The following ALG1 variants were observed in gnomAD, a reference collection of about 807,000 sequenced individuals.
ALG1 encodes the protein chitobiosyldiphosphodolichol beta-mannosyltransferase.
Under a neutral mutation model 55.1 loss-of-function variants are expected in ALG1, and 58 were observed. That is an observed-to-expected ratio of 1.05 (90% CI 0.85 to 1.31). The LOEUF is 1.31. Among genes scored for constraint, ALG1 ranks in the 50% most tolerant of loss-of-function variants. ALG1 has a pLI of 0.00. For missense variants in ALG1, 761 were observed against 598.6 expected, an observed-to-expected ratio of 1.27 and a Z score of -2.83; for synonymous variants, 309 against 247.0, an observed-to-expected ratio of 1.25 and a Z score of -2.35.
At chr16:5,072,788 C>G (rs1457092994) in intron 1 of ALG1, among the ~76,000 whole-genome samples, 163 bp from the exon 2 acceptor site, 1 of 152,200 alleles carries the variant, frequency 6.6e-6, no homozygotes, top group South Asian at 2.1e-4. Context: ...GCAATCTGAA[C>G]AAGAATTGGC....
rs1956957462 is a variant in ALG1, at chr16:5,078,608, C to T, written c.741-149C>T. ...AATATTAGAGAAAGCAAGCCCAGGC[C>T]TCAGATGGCAGGGGTGGCCTGGTGC... On this transcript the variant is annotated intron_variant, in intron 6 of 12. Transcript: ENST00000262374. 3.6e-6 allele frequency: 5 copies of T among 1,394,618 alleles called. No homozygotes were observed. In the South Asian group the frequency reaches 5.9e-5, roughly 16 times the overall value. The allele number at this position is 1,394,618 out of a possible 1,614,324, so 86.4% of individuals were successfully genotyped here. A position where few individuals can be genotyped will look rare whatever the true frequency, so the allele number is the denominator to read the frequency against.
rs572742365 is a variant in ALG1 at position 5,077,420 on chromosome 16, G to C, written c.540-25G>C. The C allele has an allele frequency of 8.1e-6, 13 of 1,606,008 alleles. No homozygotes were observed. The East Asian group carries it at 2.2e-4, about 28-fold the overall frequency. On this transcript the variant is annotated intron_variant, in intron 4 of 12. Coordinates refer to ENST00000262374, the MANE Select transcript of ALG1 (RefSeq NM_019109.5). ...GTAGCGGAGGCCTGTCTAGGGCTCT[G>C]CTGACTGCTGATCTCTCTTTTCAGG...
chr16:5,081,107 C>CCTGGGGGGGG, intron 10 of ALG1, 51 bp downstream of exon 10: 2 of 283,576 alleles, frequency 7.1e-6, no homozygotes, highest in Non-Finnish European at 1.3e-5. Flanking sequence ...ACAGGGTGGG[C>CCTGGGGGGGG]GGGATGTACT....
chr16:5,077,648 G>A, intron 5 of ALG1, 114 bp downstream of exon 5: 1 of 1,168,842 alleles, frequency 8.6e-7, no homozygotes, highest in South Asian at 1.2e-5. Context: ...GAAATACTGA[G>A]GGCCTGGGAG....
At chr16:5,072,261 T>C (rs1399572683) in intron 1 of ALG1, 1 of 1,465,880 alleles carries the variant, frequency 6.8e-7, no homozygotes, top group East Asian at 2.5e-5. Context: ...GTGTCAGAAG[T>C]GTGTTAAGTG....
chr16:5,083,757 G>A lies in ALG1; in HGVS notation c.1263G>A (p.Gln421=), dbSNP rs763496595. The A allele has an allele frequency of 6.3e-6, 10 of 1,597,650 alleles. No homozygotes were observed. Among genetic ancestry groups the A allele is most frequent in the South Asian group, 2.2e-5 (2 of 90,994 alleles). The change falls in exon 12 of 13, where the codon CAG becomes CAA. Residue 421 remains glutamine (Q), a splice_region_variant and synonymous_variant. Coordinates refer to ENST00000262374, the MANE Select transcript of ALG1 (RefSeq NM_019109.5). ...EDSEELAAQL[Q]MLFSNFPDPA... ...CAGAGGAACTGGCAGCTCAGCTGCA[G>A]GTAGCCACGTCTGCCACCACGCCAG...
At position 5,085,072 on chromosome 16, in the gene ALG1, T is replaced by C; in HGVS notation, c.*191T>C. ...CTTTGGTTGGCCTTGATTTCTTCTC[T>C]GGAGGCTTGGAAACGCTTCCTCTCT... On this transcript the variant is annotated 3_prime_UTR_variant, in exon 13 of 13. Coordinates refer to ENST00000262374, the MANE Select transcript of ALG1 (RefSeq NM_019109.5). 9.7e-7 allele frequency: 1 copy of C among 1,035,636 alleles called. No individual in the cohort carries two copies. The allele number at this position is 1,035,636 out of a possible 1,614,324, so 64.2% of individuals were successfully genotyped here.
intron 1 of ALG1, chr16:5,072,313 A>C: frequency 1.4e-6 from 2 of 1,388,312 alleles, no homozygotes; most frequent in Non-Finnish European, 1.9e-6. Flanking sequence ...AGTAAGTGGA[A>C]CCCAGGTGCG....
rs762608801 is a variant in ALG1, at chr16:5,077,891, C to T, written c.630-16C>T. On this transcript the variant is annotated splice_polypyrimidine_tract_variant and intron_variant, in intron 5 of 12. Transcript: ENST00000262374. ...TCTTCAGCCCTCCCAATAGCCCCGT[C>T]ATGATTTCATTGCAGGGCTGTGACC... The T allele has an allele frequency of 6.2e-7, 1 of 1,606,126 alleles. No homozygotes were observed. Among genetic ancestry groups the T allele is most frequent in the Non-Finnish European group, 8.5e-7 (1 of 1,178,606 alleles).
chr16:5,077,031 A>G (rs924883528), intron 4 of ALG1, among the ~76,000 whole-genome samples: 1 of 151,274 alleles, frequency 6.6e-6, no homozygotes, highest in East Asian at 1.9e-4. Flanking sequence ...CTGACCTCAA[A>G]CGATCCACCT....
In ALG1 at chr16:5,072,977, C is replaced by G. The variant is rs1471952826; in HGVS notation, c.235C>G (p.Gln79Glu). 1 of 1,614,202 alleles carries G rather than the reference C, an allele frequency of 6.2e-7. No homozygotes were observed. ...CNSKPHDELL[Q>E]NNRIQIVGLT... ...CTCCAAACCCCATGATGAGCTCTTG[C>G]AGAACAACAGAATTCAGATTGTGGG... is the stretch of plus-strand genomic sequence containing the variant. The change falls in exon 2 of 13, where the codon CAG becomes GAG. Residue 79 changes from glutamine (Q) to glutamate (E), a missense_variant. By Grantham distance (29) the Gln-to-Glu change is conservative. Coordinates refer to ENST00000262374, the MANE Select transcript of ALG1 (RefSeq NM_019109.5).
chr16:5,076,792 CTTTTTT>C (rs5815229), intron 4 of ALG1, among the ~76,000 whole-genome samples: 1 of 108,852 alleles, frequency 9.2e-6, no homozygotes. Context: ...GTATTTCTTC[CTTTTTT>C]TTTTTTTTTT....
chr16:5,072,862 C>A, intron 1 of ALG1, 89 bp from the exon 2 acceptor site: 1 of 1,227,282 alleles, frequency 8.1e-7, no homozygotes, highest in Non-Finnish European at 1.2e-6. Flanking sequence ...CTTTCCAAAA[C>A]ACTGTCCGTG....
Position 5,073,000 on chromosome 16 carries a change from G to A in ALG1, c.258G>A (p.Val86=), listed in dbSNP as rs779079605. Residue 86 remains valine, a synonymous_variant, in exon 2 of 13, where the codon GTG becomes GTA. Transcript: ENST00000262374. ...TGCAGAACAACAGAATTCAGATTGT[G>A]GGGTTGACAGAACTTCAGAGTCTTG... is the stretch of plus-strand genomic sequence containing the variant. ...ELLQNNRIQI[V]GLTELQSLAV... The A allele has an allele frequency of 6.2e-7, 1 of 1,614,172 alleles. No homozygotes were observed. The highest frequency in any genetic ancestry group is 8.5e-7 in the Non-Finnish European group (1 of 1,180,036).
At chr16:5,073,563 G>T in intron 3 of ALG1, 1 of 435,716 alleles carries the variant, frequency 2.3e-6, no homozygotes, top group Non-Finnish European at 4.2e-6. Flanking sequence ...TCTTAAGGTT[G>T]TTCTCATTTA....
chr16:5,072,827 C>A, intron 1 of ALG1, 124 bp from the exon 2 acceptor site: 1 of 925,852 alleles, frequency 1.1e-6, no homozygotes, highest in Non-Finnish European at 1.8e-6. Flanking sequence ...TAGTGAGGAG[C>A]AGAGAGAGGT....
At position 5,086,587 on chromosome 16, in the gene ALG1, G is replaced by A. The variant is rs1236149943; in HGVS notation, c.*1706G>A. On this transcript the variant is annotated 3_prime_UTR_variant, in exon 13 of 13. Transcript: ENST00000262374. ...TTCCTGAGTAGCTGGGATGACAGGT[G>A]CGTGCCACCATGCCAGTAATTTTTT... 2 of 152,064 alleles carry A rather than the reference G, an allele frequency of 1.3e-5. No homozygotes were observed. The allele number at this position is 152,064 out of a possible 1,614,324, so 9.4% of individuals were successfully genotyped here.
At chr16:5,081,438 C>A (rs1425493668) in intron 10 of ALG1, among the ~76,000 whole-genome samples, 2 of 152,238 alleles carry the variant, frequency 1.3e-5, no homozygotes, top group East Asian at 1.9e-4. Flanking sequence ...CCTTTGCCTC[C>A]GTCTCTTTCC....
Position 5,077,478 on chromosome 16 carries a change from G to A in ALG1, c.573G>A (p.Leu191=), listed in dbSNP as rs1338819603. The change falls in exon 5 of 13, where the codon CTG becomes CTA. Residue 191 remains leucine, a synonymous_variant. Transcript: ENST00000262374. ...AGTTCTTTGGGCGCCTGTCCCACCT[G>A]AACCTGTGTGTTACCAATGCTATGC... ...YEKFFGRLSH[L]NLCVTNAMRE... 14 of 1,614,064 alleles carry A rather than the reference G, an allele frequency of 8.7e-6. No individual in the cohort carries two copies. The African/African-American group carries it at 1.5e-4, about 17-fold the overall frequency.
Sources: allele counts gnomAD v4.1 joint callset (sites outside exome capture counted in the v4.1 genomes callset), GRCh38; gene constraint gnomAD v4.1.1; transcripts MANE v1.5; gene names NCBI Gene and HGNC (gene_info 2026-07-23, HGNC 2026-07-21).